Variants in STX8 observed in about 807,000 individuals in gnomAD.
STX8 encodes the protein syntaxin 8.
Under a neutral mutation model 37.5 loss-of-function variants are expected in STX8, and 23 were observed. That is an observed-to-expected ratio of 0.61 (90% CI 0.44 to 0.87). STX8 has a LOEUF of 0.87. Ranked by LOEUF, STX8 falls within the 40% of genes least tolerant of loss-of-function variation. STX8 has a pLI of 0.00. For missense variants in STX8, 313 were observed against 284.7 expected, an observed-to-expected ratio of 1.10 and a Z score of -0.71; for synonymous variants, 115 against 99.1, an observed-to-expected ratio of 1.16 and a Z score of -0.95.
At chr17:9,555,165 G>C (rs1244340611) in intron 3 of STX8, 1 of 152,074 alleles carries the variant, frequency 6.6e-6, no homozygotes, top group Non-Finnish European at 1.5e-5. Context: ...AATAACTCTT[G>C]TTCAGTGTTT....
intron 7 of STX8, among the ~76,000 whole-genome samples, chr17:9,278,455 A>G (rs1907761289): frequency 6.6e-6 from 1 of 152,156 alleles, no homozygotes; most frequent in African/African-American, 2.4e-5. Context: ...ATCTCAGAAA[A>G]AAAAAAAAAA....
At chr17:9,421,934 G>A (rs1368357199) in intron 6 of STX8, among the ~76,000 whole-genome samples, 1 of 151,960 alleles carries the variant, frequency 6.6e-6, no homozygotes. Flanking sequence ...CTCCCCCTTT[G>A]TTCTCTCTTC....
At chr17:9,488,018 T>G (rs1567582707) in intron 6 of STX8, among the ~76,000 whole-genome samples, 1 of 152,112 alleles carries the variant, frequency 6.6e-6, no homozygotes, top group Non-Finnish European at 1.5e-5. Context: ...GAGGTTGTGA[T>G]TCACTTGGTA....
intron 7 of STX8, among the ~76,000 whole-genome samples, chr17:9,266,487 G>A (rs1907236390): frequency 6.6e-6 from 1 of 152,156 alleles, no homozygotes; most frequent in African/African-American, 2.4e-5. Context: ...GCTGAGAGCT[G>A]CAAAGTGTTG....
intron 6 of STX8, among the ~76,000 whole-genome samples, chr17:9,399,954 T>G (rs1912544487): frequency 1.3e-5 from 2 of 151,970 alleles, no homozygotes; most frequent in Admixed American, 1.3e-4. Context: ...AGTAAATATT[T>G]AATGAATAGT....
intron 6 of STX8, among the ~76,000 whole-genome samples, chr17:9,431,447 TG>T (rs1412927174): frequency 2.6e-4 from 39 of 148,572 alleles, no homozygotes; most frequent in African/African-American, 9.8e-4. Flanking sequence ...TTGTTGTTGT[TG>T]TTTTGTTTTT....
rs191108848 is a variant in STX8, at chr17:9,568,286, C to A, written c.117+85G>T. 42 of 975,486 alleles carry A rather than the reference C, an allele frequency of 4.3e-5. No homozygotes were observed. In the Admixed American group the frequency reaches 5.8e-4, roughly 14 times the overall value. 60.4% of individuals were successfully genotyped at this position (975,486 alleles called of 1,614,324 possible). A position where few individuals can be genotyped will look rare whatever the true frequency, so the allele number is the denominator to read the frequency against. ...ATAGATCATCATACACACATGTGCA[C>A]AGACAGCCTCAAAGAAAGATAGGAG... On this transcript the variant is annotated intron_variant, in intron 2 of 7. Transcript: ENST00000306357.
intron 6 of STX8, among the ~76,000 whole-genome samples, chr17:9,419,755 T>C (rs1429003713): frequency 6.6e-6 from 1 of 152,124 alleles, no homozygotes; most frequent in Non-Finnish European, 1.5e-5. Flanking sequence ...TATTTTGCTC[T>C]TATGGACCTG....
At position 9,424,931 on chromosome 17, in the gene STX8, A is replaced by G. The variant is rs759147732; in HGVS notation, c.542-46278T>C. On this transcript the variant is annotated intron_variant, in intron 6 of 7. Coordinates refer to ENST00000306357, the MANE Select transcript of STX8 (RefSeq NM_004853.3). Reference sequence around the variant, plus strand: ...TAACTATAAATCATCCAAAGCAAAGAATACCATGTAACACAAGAGAGGTTA... The same window carrying G: ...TAACTATAAATCATCCAAAGCAAAGGATACCATGTAACACAAGAGAGGTTA... Among the ~76,000 whole-genome samples, 38 of 152,194 alleles carry G rather than the reference A, an allele frequency of 2.5e-4. 1 individual carries two copies. Among genetic ancestry groups the G allele is most frequent in the Non-Finnish European group, 4.4e-5 (3 of 68,042 alleles).
intron 6 of STX8, among the ~76,000 whole-genome samples, chr17:9,455,472 C>T (rs914001511): frequency 1.3e-5 from 2 of 152,118 alleles, no homozygotes; most frequent in African/African-American, 4.8e-5. Flanking sequence ...TGCACTCCAG[C>T]CTGGGCGACA....
chr17:9,529,246 TTAGA>T (rs776579865), intron 4 of STX8, among the ~76,000 whole-genome samples: 3 of 12,820 alleles, frequency 2.3e-4, no homozygotes, highest in African/African-American at 3.9e-4. Flanking sequence ...GACATAGCTC[TTAGA>T]GAGAGAGAGA....
Position 9,478,805 on chromosome 17 carries a change from T to C in STX8, c.541+13024A>G, listed in dbSNP as rs578102746. ...GCAAAGTTCTCTGTAGCCTCTGAGA[T>C]CTCACAGGAGATATCCCCGTTTTCC... On this transcript the variant is annotated intron_variant, in intron 6 of 7. Coordinates refer to ENST00000306357, the MANE Select transcript of STX8 (RefSeq NM_004853.3). Among the ~76,000 whole-genome samples, 31 of 152,218 alleles carry C rather than the reference T, an allele frequency of 2.0e-4. 1 individual carries two copies. In the South Asian group the frequency reaches 3.5e-3, roughly 17 times the overall value.
At chr17:9,478,947 T>G (rs1906206959) in intron 6 of STX8, among the ~76,000 whole-genome samples, 1 of 152,174 alleles carries the variant, frequency 6.6e-6, no homozygotes, top group South Asian at 2.1e-4. Context: ...TTGACAGTAC[T>G]TATTAAAATC....
intron 4 of STX8, among the ~76,000 whole-genome samples, chr17:9,520,898 T>C (rs544059531): frequency 1.3e-5 from 2 of 152,248 alleles, no homozygotes; most frequent in South Asian, 4.2e-4. Flanking sequence ...AAAATATCAG[T>C]GTTTGGGCAT....
At chr17:9,545,951 A>C (rs911756167) in intron 3 of STX8, among the ~76,000 whole-genome samples, 2 of 152,076 alleles carry the variant, frequency 1.3e-5, no homozygotes, top group African/African-American at 2.4e-5. Context: ...TTAGGTTTTG[A>C]GTTATATGTG....
intron 7 of STX8, among the ~76,000 whole-genome samples, chr17:9,262,793 G>C (rs1259705997): frequency 6.6e-6 from 1 of 152,166 alleles, no homozygotes; most frequent in African/African-American, 2.4e-5. Flanking sequence ...TGTTGGCCAG[G>C]ATGGTCTTGA....
At chr17:9,264,656 C>T (rs76799606) in intron 7 of STX8, among the ~76,000 whole-genome samples, 24,691 of 152,144 alleles carry the variant, frequency 0.16, 4,421 homozygotes, top group African/African-American at 0.42. Flanking sequence ...TTCTGCCAAA[C>T]TGCAAACAAC....
chr17:9,323,710 T>C (rs1474712572), intron 7 of STX8, among the ~76,000 whole-genome samples: 1 of 152,114 alleles, frequency 6.6e-6, no homozygotes. Flanking sequence ...ATTGCGTTAC[T>C]CCAGAATGCT....
At chr17:9,313,183 CTCTG>C (rs554655762) in intron 7 of STX8, among the ~76,000 whole-genome samples, 219 of 151,996 alleles carry the variant, frequency 1.4e-3, no homozygotes, top group African/African-American at 5.1e-3. Context: ...AAGAGTGAAA[CTCTG>C]TCTAAAAAAA....
Sources: gnomAD v4.1 joint callset for allele counts (sites outside exome capture counted in the v4.1 genomes callset) on GRCh38, gnomAD v4.1.1 for gene constraint, MANE v1.5 for transcripts, NCBI Gene and HGNC (gene_info 2026-07-23, HGNC 2026-07-21) for gene names.